The following USH2A variants were observed in gnomAD, a reference collection of about 807,000 sequenced individuals.
USH2A encodes Usher syndrome 2A (autosomal recessive, mild).
Under a neutral mutation model 538.9 loss-of-function variants are expected in USH2A, and 443 were observed. The ratio of observed to expected loss-of-function variants is 0.82; its 90% CI spans 0.76 to 0.89. The LOEUF (loss-of-function observed/expected upper bound fraction) is 0.89. Among genes scored for constraint, USH2A ranks in the 40% least tolerant of loss-of-function variants. The pLI is 0.00. For synonymous variants in USH2A, 2,413 were observed against 2,273.5 expected (o/e 1.06, Z -1.75); for missense variants, 6,633 against 6,324.8 (o/e 1.05, Z -1.65).
chr1:215,889,025 G>C lies in USH2A; in HGVS notation c.7624C>G (p.Leu2542Val). The C allele has an allele frequency of 6.2e-7, 1 of 1,613,872 alleles. No homozygotes were observed. Among genetic ancestry groups the C allele is most frequent in the Non-Finnish European group, 8.5e-7 (1 of 1,180,008 alleles). ...KPGPVVPPIL[L>V]DVKSRMMLVT... ...AACATCATTCTTGACTTCACATCCA[G>C]AAGAATCGGAGGAACTACAGGTCCA... Residue 2542 changes from leucine (L) to valine (V), a missense_variant, in exon 41 of 72, where the codon CTG (leucine) becomes GTG (valine). By Grantham distance (32) the Leu-to-Val change is conservative (BLOSUM62 1). Transcript: ENST00000307340.
At chr1:215,926,190 T>C (rs1202768381) in intron 38 of USH2A, among the ~76,000 whole-genome samples, 2 of 131,856 alleles carry the variant, frequency 1.5e-5, no homozygotes. Flanking sequence ...TAGTTGCCCC[T>C]AATTCTCTTA....
At chr1:216,052,676 G>C (rs1361482959) in intron 30 of USH2A, among the ~76,000 whole-genome samples, 3 of 152,140 alleles carry the variant, frequency 2.0e-5, no homozygotes, top group African/African-American at 7.2e-5. Flanking sequence ...AAAAATTAAG[G>C]GTTATGCAAG....
chr1:216,132,785 C>A (rs301737), intron 21 of USH2A, among the ~76,000 whole-genome samples: 120,013 of 151,880 alleles, frequency 0.79, 47,515 homozygotes, highest in Non-Finnish European at 0.8. Flanking sequence ...ACTTGAAAAT[C>A]CTCTCTGGGG....
Position 215,680,174 on chromosome 1 carries a change from G to A in USH2A, c.12269C>T (p.Pro4090Leu). The A allele has an allele frequency of 6.2e-7, 1 of 1,614,100 alleles. No individual in the cohort carries two copies. The change falls in exon 62 of 72, where the codon CCT (proline) becomes CTT (leucine). Residue 4090 changes from proline to leucine, a missense_variant. By Grantham distance (98) the Pro-to-Leu change is moderately conservative. Coordinates refer to ENST00000307340, the MANE Select transcript of USH2A (RefSeq NM_206933.4). ...GRALLLQWSE[P>L]MRTNGVIKTY... The stretch of plus-strand genomic sequence containing the variant: ...CTTAATCACACCATTGGTTCTCATA[G>A]GTTCTGACCACTGTAGTAGCAATGC...
intron 11 of USH2A, among the ~76,000 whole-genome samples, chr1:216,257,483 C>T (rs528284530): frequency 3.9e-5 from 6 of 152,026 alleles, no homozygotes; most frequent in Admixed American, 2.0e-4. Flanking sequence ...TTATCACTAG[C>T]TTTGAGCAAT....
intron 61 of USH2A, among the ~76,000 whole-genome samples, chr1:215,691,094 G>A (rs1024747530): frequency 6.6e-6 from 1 of 152,108 alleles, no homozygotes; most frequent in African/African-American, 2.4e-5. Flanking sequence ...ATATTGGCCA[G>A]GCTGGTCTCG....
intron 11 of USH2A, among the ~76,000 whole-genome samples, chr1:216,277,255 G>A (rs913202120): frequency 9.9e-5 from 15 of 152,056 alleles, no homozygotes; most frequent in African/African-American, 3.6e-4. Flanking sequence ...CATGTAGGAG[G>A]CAGTAATTGT....
intron 4 of USH2A, among the ~76,000 whole-genome samples, chr1:216,334,037 G>A (rs2037923515): frequency 6.6e-6 from 1 of 151,932 alleles, no homozygotes; most frequent in East Asian, 1.9e-4. Context: ...TACCTGTAAA[G>A]GTAATTAAAT....
intron 3 of USH2A, among the ~76,000 whole-genome samples, chr1:216,417,275 A>G (rs60337242): frequency 0.02 from 2,970 of 152,152 alleles, 85 homozygotes; most frequent in African/African-American, 0.063. Flanking sequence ...TAAAAAAAAA[A>G]AAAAAAGTGA....
At chr1:215,967,133 T>C (rs903851358) in intron 36 of USH2A, among the ~76,000 whole-genome samples, 2 of 152,150 alleles carry the variant, frequency 1.3e-5, no homozygotes, top group African/African-American at 4.8e-5. Context: ...TGAGAGCAAA[T>C]GTGCAATAAA....
chr1:215,824,695 C>T (rs777998087), intron 47 of USH2A, among the ~76,000 whole-genome samples: 2 of 152,154 alleles, frequency 1.3e-5, no homozygotes, highest in African/African-American at 4.8e-5. Flanking sequence ...TAGAGCCCTT[C>T]GGGCACTCCT....
intron 11 of USH2A, among the ~76,000 whole-genome samples, chr1:216,277,335 A>G (rs369011745): frequency 9.9e-5 from 15 of 152,176 alleles, no homozygotes; most frequent in African/African-American, 3.4e-4. Flanking sequence ...AACCTTGCAC[A>G]CAAGCTGTTT....
chr1:215,733,486 T>C (rs185099033), intron 60 of USH2A, among the ~76,000 whole-genome samples: 1 of 152,286 alleles, frequency 6.6e-6, no homozygotes, highest in Admixed American at 6.5e-5. Context: ...GTCCTCCCAA[T>C]AGTTCCCCGA....
At chr1:215,700,683 T>G (rs955069037) in intron 61 of USH2A, among the ~76,000 whole-genome samples, 1 of 152,192 alleles carries the variant, frequency 6.6e-6, no homozygotes, top group Non-Finnish European at 1.5e-5. Context: ...CTGTGTCTAT[T>G]TGATTCTTCT....
intron 27 of USH2A, among the ~76,000 whole-genome samples, chr1:216,075,371 T>C (rs560824582): frequency 6.6e-6 from 1 of 152,196 alleles, no homozygotes; most frequent in East Asian, 1.9e-4. Context: ...TTGAATGAGA[T>C]GCGAGGACAA....
At chr1:215,648,803 A>T in intron 65 of USH2A, 37 bp from the exon 66 acceptor site, 3 of 1,587,914 alleles carry the variant, frequency 1.9e-6, no homozygotes, top group Non-Finnish European at 2.6e-6. Context: ...AGGCAGTGTC[A>T]AACATTAAAG....
intron 15 of USH2A, among the ~76,000 whole-genome samples, chr1:216,208,363 G>A (rs2035165886): frequency 6.6e-6 from 1 of 152,042 alleles, no homozygotes; most frequent in Non-Finnish European, 1.5e-5. Flanking sequence ...GGTACAGGTT[G>A]CTGTGTTACC....
chr1:215,743,114 T>C (rs555858328), intron 59 of USH2A, 63 bp downstream of exon 59: 1 of 1,575,096 alleles, frequency 6.3e-7, no homozygotes, highest in Non-Finnish European at 8.7e-7. Context: ...TCCTTTTTAA[T>C]GAAATTTTTT....
chr1:216,081,178 CA>C (rs2031930609), intron 26 of USH2A, among the ~76,000 whole-genome samples: 2 of 152,058 alleles, frequency 1.3e-5, no homozygotes, highest in African/African-American at 4.8e-5. Flanking sequence ...GACACAAGAT[CA>C]GGGTATTGGT....
Sources: allele counts gnomAD v4.1 joint callset (sites outside exome capture counted in the v4.1 genomes callset), GRCh38; gene constraint gnomAD v4.1.1; transcripts MANE v1.5; gene names NCBI Gene and HGNC (gene_info 2026-07-23, HGNC 2026-07-21).